The following SLC24A2 variants were observed in gnomAD, a reference collection of about 807,000 sequenced individuals.
The protein encoded by SLC24A2 is solute carrier family 24 member 2, also known as sodium/potassium/calcium exchanger 2.
SLC24A2 carries 36 observed loss-of-function variants against 62.0 expected under a neutral mutation model. That is an observed-to-expected ratio of 0.58 (90% CI 0.44 to 0.77). The LOEUF is 0.77. Among genes scored for constraint, SLC24A2 ranks in the 30% least tolerant of loss-of-function variants. The pLI is 0.00. For synonymous variants in SLC24A2, 358 were observed against 294.0 expected, an observed-to-expected ratio of 1.22 and a Z score of -2.23; for missense variants, 846 against 817.9, an observed-to-expected ratio of 1.03 and a Z score of -0.42.
intron 2 of SLC24A2, among the ~76,000 whole-genome samples, chr9:19,729,200 G>A (rs937879338): frequency 6.6e-6 from 1 of 152,156 alleles, no homozygotes; most frequent in Admixed American, 6.5e-5. Flanking sequence ...TTTCACCCCA[G>A]TTAGGATGGC....
rs1048781543 is a variant in SLC24A2, at chr9:19,655,314, G to C, written c.931-33015C>G. 8.5e-5 allele frequency among the ~76,000 whole-genome samples: 13 copies of C among 152,204 alleles called. No homozygotes were observed. In the East Asian group the frequency reaches 1.7e-3, roughly 20 times the overall value. On this transcript the variant is annotated intron_variant, in intron 2 of 10. Coordinates refer to ENST00000341998, the MANE Select transcript of SLC24A2 (RefSeq NM_020344.4). The stretch of plus-strand genomic sequence containing the variant: ...CATCCAGCCTAAATAGCCTTGGACA[G>C]AAAACTAGAAGGTAACAAAACTACC...
the SLC24A2 span, among the ~76,000 whole-genome samples, chr9:19,842,530 G>T: frequency 6.6e-6 from 1 of 152,122 alleles, no homozygotes; most frequent in Non-Finnish European, 1.5e-5. Flanking sequence ...ATGAAAGTAG[G>T]AATGGCTACT....
chr9:19,588,995 C>T (rs1188282760), intron 5 of SLC24A2, among the ~76,000 whole-genome samples: 1 of 152,160 alleles, frequency 6.6e-6, no homozygotes, highest in African/African-American at 2.4e-5. Context: ...CTCTGCAATT[C>T]ATTGTTAGTG....
the SLC24A2 span, among the ~76,000 whole-genome samples, chr9:20,203,034 G>C: frequency 3.3e-5 from 5 of 151,216 alleles, no homozygotes; most frequent in Admixed American, 3.3e-4. Context: ...AAATTGGCTT[G>C]AATATCCTTA....
At chr9:20,288,588 G>T in the SLC24A2 span, among the ~76,000 whole-genome samples, 1 of 152,042 alleles carries the variant, frequency 6.6e-6, no homozygotes, top group Non-Finnish European at 1.5e-5. Context: ...GGCCAATATG[G>T]CGAAAACCTA....
chr9:19,531,910 C>A (rs949696332), intron 8 of SLC24A2, among the ~76,000 whole-genome samples: 3 of 152,040 alleles, frequency 2.0e-5, no homozygotes, highest in African/African-American at 7.2e-5. Flanking sequence ...CAAAGTACCT[C>A]GCACATAAGT....
intron 2 of SLC24A2, among the ~76,000 whole-genome samples, chr9:19,625,120 C>A (rs146230079): frequency 1.2e-4 from 18 of 152,218 alleles, no homozygotes; most frequent in Non-Finnish European, 2.4e-4. Flanking sequence ...AAGACAACTT[C>A]TTCAAAAGAA....
chr9:19,893,260 T>C, the SLC24A2 span, among the ~76,000 whole-genome samples: 1 of 152,194 alleles, frequency 6.6e-6, no homozygotes, highest in Non-Finnish European at 1.5e-5. Context: ...TCAGAGTCAA[T>C]TCTGCTAGCC....
the SLC24A2 span, among the ~76,000 whole-genome samples, chr9:20,019,575 G>T: frequency 6.6e-6 from 1 of 152,082 alleles, no homozygotes; most frequent in African/African-American, 2.4e-5. Flanking sequence ...CTAACTCAAG[G>T]TGGATAAAAG....
At chr9:19,627,478 G>C (rs1046253869) in intron 2 of SLC24A2, among the ~76,000 whole-genome samples, 3 of 152,086 alleles carry the variant, frequency 2.0e-5, no homozygotes, top group Admixed American at 6.6e-5. Flanking sequence ...GAATCTAACT[G>C]ACAAGTTAAA....
chr9:20,071,308 T>C, the SLC24A2 span, among the ~76,000 whole-genome samples: 103 of 152,294 alleles, frequency 6.8e-4, 2 homozygotes, highest in South Asian at 0.013. Context: ...AACTGAGATA[T>C]TGGAGTTCCA....
the SLC24A2 span, among the ~76,000 whole-genome samples, chr9:19,829,797 GTATA>G: frequency 0.017 from 1,484 of 87,402 alleles, 11 homozygotes; most frequent in Middle Eastern, 0.028. Context: ...GTGTGTGTGT[GTATA>G]TATATATATA....
chr9:19,526,195 G>T (rs1156649328), intron 9 of SLC24A2, among the ~76,000 whole-genome samples: 1 of 152,028 alleles, frequency 6.6e-6, no homozygotes, highest in East Asian at 1.9e-4. Flanking sequence ...TCATTTCTTT[G>T]TACTGTGTAA....
At chr9:20,009,719 A>C in the SLC24A2 span, among the ~76,000 whole-genome samples, 25 of 152,254 alleles carry the variant, frequency 1.6e-4, no homozygotes, top group Admixed American at 6.5e-4. Flanking sequence ...TCTCACATTA[A>C]GCCTTTCCCA....
chr9:20,019,159 G>C, the SLC24A2 span, among the ~76,000 whole-genome samples: 1 of 114,304 alleles, frequency 8.7e-6, no homozygotes, highest in African/African-American at 3.4e-5. Flanking sequence ...GAAAGAAAGA[G>C]AGAGAGACAG....
chr9:20,222,887 A>C, the SLC24A2 span, among the ~76,000 whole-genome samples: 1 of 152,134 alleles, frequency 6.6e-6, no homozygotes, highest in Non-Finnish European at 1.5e-5. Context: ...CTGCTGTGAC[A>C]GCTTCGCTTT....
intron 2 of SLC24A2, among the ~76,000 whole-genome samples, chr9:19,784,773 C>T (rs986535069): frequency 2.6e-5 from 4 of 152,104 alleles, no homozygotes; most frequent in South Asian, 4.1e-4. Context: ...AACAAGCATA[C>T]GAGAGAAATG....
chr9:19,679,686 G>C (rs1021357657), intron 2 of SLC24A2, among the ~76,000 whole-genome samples: 1 of 152,128 alleles, frequency 6.6e-6, no homozygotes, highest in African/African-American at 2.4e-5. Context: ...CCTGCCATTG[G>C]TCATTGATGC....
chr9:19,848,509 G>A, the SLC24A2 span, among the ~76,000 whole-genome samples: 1 of 152,136 alleles, frequency 6.6e-6, no homozygotes, highest in East Asian at 1.9e-4. Flanking sequence ...TAAATGATAT[G>A]TATAGTATAT....
Sources: gnomAD v4.1 joint callset for allele counts (sites outside exome capture counted in the v4.1 genomes callset) on GRCh38, gnomAD v4.1.1 for gene constraint, MANE v1.5 for transcripts, NCBI Gene and HGNC (gene_info 2026-07-23, HGNC 2026-07-21) for gene names.